SLC22A16: variants seen among roughly 807,000 people sequenced by gnomAD.
SLC22A16 encodes solute carrier family 22 member 16, also known as WUGSC:RG331P03.1.
In SLC22A16, 53 loss-of-function variants were observed where a neutral mutation model predicts 52.9. The ratio of observed to expected loss-of-function variants is 1.00; its 90% confidence interval spans 0.80 to 1.26. The LOEUF is 1.26. Among genes scored for constraint, SLC22A16 ranks in the 50% most tolerant of loss-of-function variants. The pLI is 0.00. For synonymous variants in SLC22A16, 291 were observed against 268.8 expected, an observed-to-expected ratio of 1.08 and a Z score of -0.81; for missense variants, 726 against 704.0, an observed-to-expected ratio of 1.03 and a Z score of -0.35.
At chr6:110,451,004 A>T (rs181544564) in intron 2 of SLC22A16, among the ~76,000 whole-genome samples, 1 of 152,356 alleles carries the variant, frequency 6.6e-6, no homozygotes, top group East Asian at 1.9e-4. Context: ...TACTGCTTAT[A>T]AACAGTATAG....
intron 1 of SLC22A16, among the ~76,000 whole-genome samples, chr6:110,461,095 C>A (rs914222600): frequency 1.3e-5 from 2 of 152,218 alleles, no homozygotes; most frequent in African/African-American, 4.8e-5. Flanking sequence ...GCTGCATCCC[C>A]ACTGAAAGTG....
At chr6:110,445,427 C>T (rs1190652508) in intron 3 of SLC22A16, among the ~76,000 whole-genome samples, 7 of 152,166 alleles carry the variant, frequency 4.6e-5, no homozygotes, top group South Asian at 2.1e-4. Context: ...GGCTGATCAA[C>T]GTCTTGCCTT....
At chr6:110,438,056 A>G (rs900749963) in intron 5 of SLC22A16, among the ~76,000 whole-genome samples, 19 of 152,104 alleles carry the variant, frequency 1.2e-4, no homozygotes, top group African/African-American at 4.6e-4. Flanking sequence ...CTCCTCCGAG[A>G]GGTGCACCAT....
At chr6:110,446,608 T>C (rs1270795576) in intron 3 of SLC22A16, among the ~76,000 whole-genome samples, 1 of 151,998 alleles carries the variant, frequency 6.6e-6, no homozygotes, top group Non-Finnish European at 1.5e-5. Flanking sequence ...AGAAAGAAAA[T>C]AATGCCTCAG....
chr6:110,435,448 A>T lies in SLC22A16; in HGVS notation c.1421+404T>A, dbSNP rs549593577. ...CCTTGTTCTTGGACTTCCAGCCTCC[A>T]GTACTGTGAGAAAATAAATTTCTAT... On this transcript the variant is annotated intron_variant, in intron 6 of 7. Transcript: ENST00000368919. 5.9e-5 allele frequency among the ~76,000 whole-genome samples: 9 copies of T among 152,262 alleles called. 1 individual carries two copies. The highest frequency in any genetic ancestry group is 1.9e-4 in the African/African-American group (8 of 41,560).
intron 4 of SLC22A16, among the ~76,000 whole-genome samples, chr6:110,440,629 T>C (rs557112298): frequency 6.6e-6 from 1 of 152,148 alleles, no homozygotes; most frequent in East Asian, 1.9e-4. Flanking sequence ...ATATAAAAAT[T>C]AGCTGGGCAT....
chr6:110,446,872 C>T lies in SLC22A16; in HGVS notation c.651+1G>A. On this transcript the variant is annotated splice_donor_variant, in intron 3 of 7. Transcript: ENST00000368919. LOFTEE classifies it high-confidence loss of function. ...TTAAAGAAGTAAAAAACACAACTCA[C>T]CATGGCAAGAAAAAAGCGAGCAGCC... 1 of 1,607,842 alleles carries T rather than the reference C, an allele frequency of 6.2e-7. No homozygotes were observed. The highest frequency in any genetic ancestry group is 1.7e-4 in the Middle Eastern group (1 of 6,022).
rs753775262 is a variant in SLC22A16 at position 110,442,487 on chromosome 6, A to C, written c.940T>G (p.Trp314Gly). ...AQKIVDIMAK[W>G]NRASSCKLSE... Reference sequence around the variant, plus strand: ...AGTTTACAGGAGCTTGCCCTGTTCCACTTGGCCATGATGTCAACTATTTTT... The same window carrying C: ...AGTTTACAGGAGCTTGCCCTGTTCCCCTTGGCCATGATGTCAACTATTTTT... Residue 314 changes from tryptophan (W) to glycine (G), a missense_variant, in exon 4 of 8, where the codon TGG (tryptophan) becomes GGG (glycine). Trp to Gly is a radical substitution (Grantham distance 184). Coordinates refer to ENST00000368919, the MANE Select transcript of SLC22A16 (RefSeq NM_033125.4). 18 of 1,614,064 alleles carry C rather than the reference A, an allele frequency of 1.1e-5. 1 individual carries two copies. The highest frequency in any genetic ancestry group is 1.5e-5 in the Non-Finnish European group (18 of 1,180,048).
At chr6:110,472,883 G>C (rs1341190160) in intron 1 of SLC22A16, among the ~76,000 whole-genome samples, 1 of 152,212 alleles carries the variant, frequency 6.6e-6, no homozygotes, top group Non-Finnish European at 1.5e-5. Flanking sequence ...CATGCAATCT[G>C]AGTGACGGAT....
chr6:110,446,613 C>T (rs1039836479), intron 3 of SLC22A16, among the ~76,000 whole-genome samples: 7 of 152,124 alleles, frequency 4.6e-5, no homozygotes, highest in African/African-American at 1.7e-4. Flanking sequence ...GAAAATAATG[C>T]CTCAGTAATT....
intron 6 of SLC22A16, among the ~76,000 whole-genome samples, chr6:110,432,648 C>T (rs575717166): frequency 2.6e-4 from 40 of 152,322 alleles, no homozygotes; most frequent in Admixed American, 1.4e-3. Flanking sequence ...TCAGCCACAA[C>T]GGAGCCAAAG....
chr6:110,476,420 T>A, intron 1 of SLC22A16, 102 bp downstream of exon 1: 2 of 1,395,050 alleles, frequency 1.4e-6, no homozygotes, highest in Non-Finnish European at 1.9e-6. Context: ...AGTGGAGATG[T>A]TTTCGGATCG....
intron 1 of SLC22A16, among the ~76,000 whole-genome samples, chr6:110,467,728 A>G: frequency 6.6e-6 from 1 of 152,266 alleles, no homozygotes; most frequent in East Asian, 1.9e-4. Flanking sequence ...GTAGACATAT[A>G]AAGTGAACAT....
intron 1 of SLC22A16, among the ~76,000 whole-genome samples, chr6:110,458,862 C>T (rs976413448): frequency 8.5e-5 from 13 of 152,168 alleles, no homozygotes; most frequent in African/African-American, 3.1e-4. Context: ...AAGACTTACA[C>T]CAGGCCTTCA....
At chr6:110,429,126 CA>C (rs1774393833) in intron 7 of SLC22A16, among the ~76,000 whole-genome samples, 1 of 152,054 alleles carries the variant, frequency 6.6e-6, no homozygotes, top group African/African-American at 2.4e-5. Context: ...AACACTTTCT[CA>C]TTTTATCTTT....
Position 110,456,801 on chromosome 6 carries a change from C to T in SLC22A16, c.270G>A (p.Leu90=), listed in dbSNP as rs2114990887. 6.2e-7 allele frequency: 1 copy of T among 1,614,214 alleles called. No homozygotes were observed. The highest frequency in any genetic ancestry group is 2.2e-5 in the East Asian group (1 of 44,892). ...AGAGCTCCCAGATCTCACCATTCTG[C>T]AACTGCACCGTAACATAATCTTTCT... is the stretch of plus-strand genomic sequence containing the variant. ...SGQKDYVTVQ[L]QNGEIWELSR... Residue 90 remains leucine (L), a synonymous_variant, in exon 2 of 8, where the codon TTG becomes TTA. Transcript: ENST00000368919.
intron 7 of SLC22A16, among the ~76,000 whole-genome samples, chr6:110,430,668 G>C (rs753895793): frequency 3.3e-5 from 5 of 152,214 alleles, no homozygotes; most frequent in Non-Finnish European, 5.9e-5. Flanking sequence ...CTCTTTGAAA[G>C]CCAGGCAAAT....
intron 1 of SLC22A16, chr6:110,475,820 A>T (rs1360691761): frequency 2.4e-6 from 1 of 422,176 alleles, no homozygotes; most frequent in Non-Finnish European, 4.7e-6. Flanking sequence ...AATTTTTTAA[A>T]TCAATTTGAC....
At chr6:110,474,812 G>A in intron 1 of SLC22A16, 1 of 437,292 alleles carries the variant, frequency 2.3e-6, no homozygotes, top group East Asian at 6.1e-5. Context: ...TACTGGAGAG[G>A]CATAAACTTC....
Sources: allele counts gnomAD v4.1 joint callset (sites outside exome capture counted in the v4.1 genomes callset), GRCh38; gene constraint gnomAD v4.1.1; transcripts MANE v1.5; gene names NCBI Gene and HGNC (gene_info 2026-07-23, HGNC 2026-07-21).